TMEM167A: variants seen among roughly 807,000 people sequenced by gnomAD.
TMEM167A encodes transmembrane protein 167A.
In TMEM167A, 8 loss-of-function variants were observed where a neutral mutation model predicts 11.6. That is an observed-to-expected ratio of 0.69 (90% confidence interval 0.40 to 1.24). TMEM167A has a LOEUF of 1.24. TMEM167A is among the 50% of genes most tolerant of loss of function. The probability of loss-of-function intolerance (pLI) is 0.01; values close to 1 mark genes in which losing one functional copy is unlikely to be tolerated. For missense variants in TMEM167A, 62 were observed against 87.0 expected, an observed-to-expected ratio of 0.71 and a Z score of 1.14; for synonymous variants, 22 against 28.0, an observed-to-expected ratio of 0.79 and a Z score of 0.67.
intron 1 of TMEM167A, among the ~76,000 whole-genome samples, chr5:83,073,277 G>A (rs1402357934): frequency 1.3e-5 from 2 of 152,146 alleles, no homozygotes; most frequent in Non-Finnish European, 2.9e-5. Context: ...GGTGCTTAAC[G>A]AAAACAGTAA....
chr5:83,061,786 A>C (rs765246106), intron 3 of TMEM167A, 91 bp downstream of exon 3: 1 of 1,273,322 alleles, frequency 7.9e-7, no homozygotes, highest in Non-Finnish European at 1.1e-6. Context: ...CTGCCCTTTA[A>C]AAATTAACAT....
chr5:83,070,618 G>A (rs1348672759), intron 1 of TMEM167A, among the ~76,000 whole-genome samples: 2 of 152,094 alleles, frequency 1.3e-5, no homozygotes, highest in South Asian at 2.1e-4. Flanking sequence ...ATGAATAGAT[G>A]CAAGGTCAAT....
chr5:83,075,671 G>C (rs1490860120), intron 1 of TMEM167A, among the ~76,000 whole-genome samples: 1 of 151,912 alleles, frequency 6.6e-6, no homozygotes, highest in Non-Finnish European at 1.5e-5. Flanking sequence ...CTTGAACCCA[G>C]GAAGCAGAGG....
At chr5:83,061,804 G>T in intron 3 of TMEM167A, 73 bp downstream of exon 3, 2 of 1,369,132 alleles carry the variant, frequency 1.5e-6, no homozygotes, top group Non-Finnish European at 2.1e-6. Context: ...CATTTGACTT[G>T]TGAGATTATA....
chr5:83,071,892 T>G lies in TMEM167A; in HGVS notation c.3+5429A>C, dbSNP rs567258852. On this transcript the variant is annotated intron_variant, in intron 1 of 3. Transcript: ENST00000502346. ...GTATAAAAATTTGACCTTAGGTGAA[T>G]CAACATCTCACATCTCCACTTGTCA... Among the ~76,000 whole-genome samples the G allele has an allele frequency of 2.0e-5, 3 of 152,314 alleles. No homozygotes were observed. In the South Asian group the frequency reaches 6.2e-4, roughly 32 times the overall value.
intron 1 of TMEM167A, among the ~76,000 whole-genome samples, chr5:83,065,761 T>C (rs1234351220): frequency 1.3e-5 from 2 of 152,296 alleles, no homozygotes; most frequent in East Asian, 1.9e-4. Context: ...GATACTTAGC[T>C]TGTATTTAAT....
intron 2 of TMEM167A, 132 bp downstream of exon 2, chr5:83,064,876 G>T (rs900242447): frequency 1.0e-5 from 6 of 586,144 alleles, no homozygotes; most frequent in East Asian, 3.2e-5. Context: ...TTTTTAACAG[G>T]AAGAAAATGA....
At chr5:83,067,957 A>G (rs1042188345) in intron 1 of TMEM167A, among the ~76,000 whole-genome samples, 1 of 147,662 alleles carries the variant, frequency 6.8e-6, no homozygotes, top group Non-Finnish European at 1.5e-5. Context: ...TAACAAAGAT[A>G]AAATTTAATG....
At chr5:83,063,991 G>T (rs1379075313) in intron 2 of TMEM167A, among the ~76,000 whole-genome samples, 1 of 151,920 alleles carries the variant, frequency 6.6e-6, no homozygotes, top group Non-Finnish European at 1.5e-5. Context: ...TATAATAAAA[G>T]ATTACGAGTC....
At position 83,053,256 on chromosome 5, in the gene TMEM167A, C is replaced by T. The variant is rs779941369; in HGVS notation, c.*3828G>A. ...AACTTCTCAAAGGCTTTGCAAAAAGCGTAAGTCCTTGCTTTTTGAGAATTT... is the reference window on the plus strand; with the variant it reads ...AACTTCTCAAAGGCTTTGCAAAAAGTGTAAGTCCTTGCTTTTTGAGAATTT... On this transcript the variant is annotated 3_prime_UTR_variant, in exon 4 of 4. Transcript: ENST00000502346. 2 of 151,912 alleles carry T rather than the reference C, an allele frequency of 1.3e-5. No individual in the cohort carries two copies. The highest frequency in any genetic ancestry group is 2.4e-5 in the African/African-American group (1 of 41,410). The allele number at this position is 151,912 out of a possible 1,614,324, so 9.4% of individuals were successfully genotyped here. A position where few individuals can be genotyped will look rare whatever the true frequency, so the allele number is the denominator to read the frequency against.
intron 2 of TMEM167A, 58 bp downstream of exon 2, chr5:83,064,950 C>T: frequency 3.0e-6 from 3 of 1,008,034 alleles, no homozygotes; most frequent in Non-Finnish European, 4.6e-6. Context: ...TATATGTTAA[C>T]TTACATTGAA....
chr5:83,058,512 C>G (rs1241716892), intron 3 of TMEM167A, among the ~76,000 whole-genome samples: 1 of 151,956 alleles, frequency 6.6e-6, no homozygotes, highest in African/African-American at 2.4e-5. Flanking sequence ...AATGCTAATT[C>G]TCTTGGAGAA....
At chr5:83,074,373 C>T (rs1744607373) in intron 1 of TMEM167A, among the ~76,000 whole-genome samples, 1 of 152,184 alleles carries the variant, frequency 6.6e-6, no homozygotes. Flanking sequence ...GGACATCTCT[C>T]AAGCAGTTCC....
chr5:83,074,782 T>A (rs1230024447), intron 1 of TMEM167A, among the ~76,000 whole-genome samples: 8 of 152,138 alleles, frequency 5.3e-5, no homozygotes, highest in Non-Finnish European at 1.2e-4. Flanking sequence ...CTCTTTTTTT[T>A]TTTTTGAGAT....
intron 1 of TMEM167A, among the ~76,000 whole-genome samples, chr5:83,073,150 A>G (rs1744588280): frequency 6.6e-6 from 1 of 152,222 alleles, no homozygotes; most frequent in Non-Finnish European, 1.5e-5. Context: ...ATTTATAAGC[A>G]GTGTGATGTT....
chr5:83,058,735 A>C (rs10462394), intron 3 of TMEM167A, among the ~76,000 whole-genome samples: 73,846 of 151,842 alleles, frequency 0.49, 18,611 homozygotes, highest in African/African-American at 0.59. Flanking sequence ...CATCCTTCAA[A>C]TTAGAATGCT....
At position 83,077,352 on chromosome 5, in the gene TMEM167A, C is replaced by T. The variant is rs959693000; in HGVS notation, c.-29G>A. 1 of 1,614,058 alleles carries T rather than the reference C, an allele frequency of 6.2e-7. No individual in the cohort carries two copies. The highest frequency in any genetic ancestry group is 8.5e-7 in the Non-Finnish European group (1 of 1,180,024). On this transcript the variant is annotated 5_prime_UTR_variant, in exon 1 of 4. Coordinates refer to ENST00000502346, the MANE Select transcript of TMEM167A (RefSeq NM_174909.5). ...GAGGCCGGCGATGCCGCAGCCACAT[C>T]ACCCTTCCGGGGCTCAGGCGGAAGA...
At chr5:83,067,595 C>T (rs1321497372) in intron 1 of TMEM167A, among the ~76,000 whole-genome samples, 3 of 151,904 alleles carry the variant, frequency 2.0e-5, no homozygotes, top group Admixed American at 2.0e-4. Flanking sequence ...ACCTCCACCT[C>T]GTGGGTTCAA....
At chr5:83,062,638 C>A (rs1347944536) in intron 2 of TMEM167A, among the ~76,000 whole-genome samples, 1 of 151,808 alleles carries the variant, frequency 6.6e-6, no homozygotes, top group African/African-American at 2.4e-5. Context: ...TATAACAAAT[C>A]ATCTTTAAAA....
Sources: gnomAD v4.1 joint callset for allele counts (sites outside exome capture counted in the v4.1 genomes callset) on GRCh38, gnomAD v4.1.1 for gene constraint, MANE v1.5 for transcripts, NCBI Gene and HGNC (gene_info 2026-07-23, HGNC 2026-07-21) for gene names.